Variants in STXBP3 observed in about 807,000 individuals in gnomAD.
STXBP3 encodes the protein syntaxin-binding protein 3.
STXBP3 carries 41 observed loss-of-function variants against 85.7 expected under a neutral mutation model. The ratio of observed to expected loss-of-function variants is 0.48; its 90% CI spans 0.37 to 0.62. The LOEUF (loss-of-function observed/expected upper bound fraction) is 0.62, where lower values mean the gene tolerates loss of function less well. Among genes scored for constraint, STXBP3 ranks in the 20% least tolerant of loss-of-function variants. STXBP3 has a pLI of 0.00. For missense variants in STXBP3, 563 were observed against 703.1 expected (o/e 0.80, Z 2.25); for synonymous variants, 229 against 231.7 (o/e 0.99, Z 0.10).
intron 15 of STXBP3, among the ~76,000 whole-genome samples, chr1:108,797,288 A>G (rs1570772771): frequency 1.4e-5 from 2 of 144,386 alleles, no homozygotes; most frequent in African/African-American, 5.0e-5. Context: ...TCAAGGCTGC[A>G]GTGGGCCAAA....
chr1:108,747,302 A>T (rs2101098407), intron 1 of STXBP3, among the ~76,000 whole-genome samples: 1 of 152,218 alleles, frequency 6.6e-6, no homozygotes, highest in East Asian at 1.9e-4. Flanking sequence ...TGTTTAACAG[A>T]CTCATCTTCC....
Position 108,808,775 on chromosome 1 carries a change from C to G in STXBP3, c.1685-8C>G. The G allele has an allele frequency of 6.2e-7, 1 of 1,607,902 alleles. No homozygotes were observed. Among genetic ancestry groups the G allele is most frequent in the Non-Finnish European group, 8.5e-7 (1 of 1,176,258 alleles). Reference sequence around the variant, plus strand: ...TGGCCTCTGAAAAATTCTCTTTTCTCCTACCAGGTTCTACACATGTTTTAA... The same window carrying G: ...TGGCCTCTGAAAAATTCTCTTTTCTGCTACCAGGTTCTACACATGTTTTAA... On this transcript the variant is annotated splice_polypyrimidine_tract_variant and splice_region_variant and intron_variant, in intron 18 of 18. Coordinates refer to ENST00000370008, the MANE Select transcript of STXBP3 (RefSeq NM_007269.4).
intron 17 of STXBP3, among the ~76,000 whole-genome samples, chr1:108,803,474 G>A (rs1251165411): frequency 2.6e-5 from 4 of 152,162 alleles, no homozygotes; most frequent in African/African-American, 9.6e-5. Flanking sequence ...CGGGTCTGTT[G>A]GTGGTAGTCT....
chr1:108,800,199 A>G, intron 16 of STXBP3, 21 bp from the exon 17 acceptor site: 1 of 1,549,278 alleles, frequency 6.5e-7, no homozygotes, highest in South Asian at 1.1e-5. Flanking sequence ...TATTGATGGA[A>G]TTAACTCTTT....
intron 8 of STXBP3, among the ~76,000 whole-genome samples, chr1:108,777,912 T>C (rs569294934): frequency 6.6e-6 from 1 of 152,306 alleles, no homozygotes; most frequent in South Asian, 2.1e-4. Context: ...TTTTGAGGGC[T>C]TACTGTGCTG....
chr1:108,779,430 C>T lies in STXBP3; in HGVS notation c.809+20C>T. On this transcript the variant is annotated intron_variant, in intron 9 of 18. Transcript: ENST00000370008. ...ATACAAGCAAGTATAACTTGAAGGG[C>T]ATATAAAGGGCATATACAAACAGGA... 1 of 1,601,790 alleles carries T rather than the reference C, an allele frequency of 6.2e-7. No homozygotes were observed. Among genetic ancestry groups the T allele is most frequent in the Non-Finnish European group, 8.5e-7 (1 of 1,173,652 alleles).
intron 17 of STXBP3, 150 bp downstream of exon 17, chr1:108,800,455 A>G: frequency 7.0e-6 from 4 of 568,428 alleles, no homozygotes; most frequent in Admixed American, 3.3e-5. Context: ...ATGAATCCAG[A>G]TAAGCAATAT....
chr1:108,761,202 A>G (rs1459359952), intron 6 of STXBP3, among the ~76,000 whole-genome samples: 2 of 152,202 alleles, frequency 1.3e-5, no homozygotes, highest in East Asian at 3.8e-4. Flanking sequence ...CACCACGCCC[A>G]GCTGATACTG....
chr1:108,776,899 T>C lies in STXBP3; in HGVS notation c.684+476T>C, dbSNP rs148716011. On this transcript the variant is annotated intron_variant, in intron 8 of 18. Coordinates refer to ENST00000370008, the MANE Select transcript of STXBP3 (RefSeq NM_007269.4). ...GACCTTGAGTTTTCCATCTGTGAAA[T>C]AGATGAAATAATATATACCTTGCTA... 4.0e-4 allele frequency among the ~76,000 whole-genome samples: 61 copies of C among 152,274 alleles called. 1 individual carries two copies. The East Asian group carries it at 9.1e-3, about 23-fold the overall frequency.
chr1:108,767,286 C>T, intron 6 of STXBP3: 1 of 225,254 alleles, frequency 4.4e-6, no homozygotes, highest in South Asian at 5.9e-5. Flanking sequence ...TGTGGTTTTC[C>T]AAAGGAGGTA....
intron 6 of STXBP3, among the ~76,000 whole-genome samples, chr1:108,765,099 C>A (rs150542851): frequency 6.6e-6 from 1 of 152,202 alleles, no homozygotes; most frequent in African/African-American, 2.4e-5. Flanking sequence ...CTGCATGTAG[C>A]TGGCCAGTTA....
intron 5 of STXBP3, chr1:108,759,348 T>C (rs1662085405): frequency 6.6e-6 from 1 of 152,172 alleles, no homozygotes; most frequent in Non-Finnish European, 1.5e-5. Flanking sequence ...GTTTATGGAA[T>C]TGATGAAATT....
In STXBP3 at chr1:108,800,255, G is replaced by T. The variant is rs747643985; in HGVS notation, c.1485G>T (p.Trp495Cys). ...ATAATAGATTAGATTCAAAAGAATG[G>T]CCATATTGTTCCCAGTGTCCAGCAG... ...AIDNRLDSKEWPYCSQCPAVW... is the reference protein window; with the variant it reads ...AIDNRLDSKECPYCSQCPAVW... Residue 495 changes from tryptophan (W) to cysteine (C), a missense_variant, in exon 17 of 19, where the codon TGG becomes TGT. Physicochemically the swap from Trp to Cys is radical, Grantham distance 215 (BLOSUM62 -2). Around this residue, in one of 3 missense-constraint regions of STXBP3, gnomAD observed 494 missense variants for 592.8 expected, o/e 0.83. Coordinates refer to ENST00000370008, the MANE Select transcript of STXBP3 (RefSeq NM_007269.4). 6.2e-7 allele frequency: 1 copy of T among 1,612,354 alleles called. No homozygotes were observed. The highest frequency in any genetic ancestry group is 8.5e-7 in the Non-Finnish European group (1 of 1,178,686).
At chr1:108,772,526 G>T (rs1662488436) in intron 6 of STXBP3, 139 bp from the exon 7 acceptor site, 3 of 221,966 alleles carry the variant, frequency 1.4e-5, no homozygotes, top group East Asian at 1.5e-4. Flanking sequence ...AAATACATAT[G>T]ATATATATCT....
intron 1 of STXBP3, among the ~76,000 whole-genome samples, chr1:108,751,386 C>T (rs897200502): frequency 1.4e-4 from 21 of 151,982 alleles, no homozygotes; most frequent in South Asian, 4.1e-4. Context: ...ATAGAAGAGC[C>T]GTCAGTTTTT....
chr1:108,773,475 C>T (rs948175705), intron 7 of STXBP3, among the ~76,000 whole-genome samples: 7 of 151,988 alleles, frequency 4.6e-5, no homozygotes, highest in Non-Finnish European at 8.8e-5. Flanking sequence ...TGAAACACTT[C>T]GAATATTAAA....
At chr1:108,767,345 G>A (rs1481826569) in intron 6 of STXBP3, 3 of 240,610 alleles carry the variant, frequency 1.2e-5, no homozygotes, top group African/African-American at 7.0e-5. Context: ...TTGTTTCCTG[G>A]ATTGCTTCCT....
chr1:108,756,229 C>T (rs747393555), intron 3 of STXBP3, among the ~76,000 whole-genome samples: 6 of 151,962 alleles, frequency 3.9e-5, no homozygotes, highest in African/African-American at 7.3e-5. Context: ...AAAGAATAGG[C>T]GTTAATTGGC....
intron 17 of STXBP3, among the ~76,000 whole-genome samples, chr1:108,805,715 GC>G (rs2101139997): frequency 6.6e-6 from 1 of 152,268 alleles, no homozygotes; most frequent in East Asian, 1.9e-4. Flanking sequence ...GAGCCACCAC[GC>G]CCAGCCAAGA....
Sources: gnomAD v4.1 joint callset for allele counts (sites outside exome capture counted in the v4.1 genomes callset) on GRCh38, gnomAD v4.1.1 for gene constraint, gnomAD v4.1.1 regional missense constraint, MANE v1.5 for transcripts, NCBI Gene and HGNC (gene_info 2026-07-23, HGNC 2026-07-21) for gene names.